Variants in AFG1L observed in about 807,000 individuals in gnomAD.
AFG1L encodes the protein AFG1 like ATPase.
Under a neutral mutation model 62.2 loss-of-function variants are expected in AFG1L, and 53 were observed. The observed-to-expected ratio is 0.85, with a 90% CI of 0.68 to 1.07. The LOEUF (loss-of-function observed/expected upper bound fraction) is 1.07, where lower values mean the gene tolerates loss of function less well. Ranked by LOEUF, AFG1L falls within the 50% of genes least tolerant of loss-of-function variation. The pLI is 0.00. For missense variants in AFG1L, 555 were observed against 590.5 expected, an observed-to-expected ratio of 0.94 and a Z score of 0.62; for synonymous variants, 228 against 210.3, an observed-to-expected ratio of 1.08 and a Z score of -0.73.
chr6:108,358,791 C>T (rs1323702056), intron 5 of AFG1L, among the ~76,000 whole-genome samples: 1 of 152,224 alleles, frequency 6.6e-6, no homozygotes, highest in Non-Finnish European at 1.5e-5. Flanking sequence ...GCCTCAGCCT[C>T]CCAAAGTGCT....
At chr6:108,480,394 G>T (rs76319504) in intron 10 of AFG1L, among the ~76,000 whole-genome samples, 3,666 of 152,236 alleles carry the variant, frequency 0.024, 144 homozygotes, top group African/African-American at 0.083. Context: ...CCTTCCCAAG[G>T]TCACAAAGCT....
intron 10 of AFG1L, among the ~76,000 whole-genome samples, chr6:108,485,648 ATATATATATTTTTTTTTTTT>A (rs1251529209): frequency 4.6e-5 from 1 of 21,638 alleles, no homozygotes; most frequent in Non-Finnish European, 8.1e-5. Flanking sequence ...ATATATATAT[ATATATATATTTTTTTTTTTT>A]TTTTTTTTTT....
intron 1 of AFG1L, among the ~76,000 whole-genome samples, chr6:108,311,599 C>T (rs931839742): frequency 2.0e-5 from 3 of 151,920 alleles, no homozygotes; most frequent in African/African-American, 4.8e-5. Context: ...GGGGCTCAAG[C>T]GATCCTCCCG....
chr6:108,356,595 C>A, intron 4 of AFG1L, 95 bp from the exon 5 acceptor site: 2 of 759,738 alleles, frequency 2.6e-6, no homozygotes, highest in Non-Finnish European at 3.9e-6. Flanking sequence ...ATTTTATGTC[C>A]ATACTAAAGT....
At chr6:108,471,908 T>C (rs1188345919) in intron 8 of AFG1L, among the ~76,000 whole-genome samples, 1 of 152,182 alleles carries the variant, frequency 6.6e-6, no homozygotes, top group Non-Finnish European at 1.5e-5. Flanking sequence ...GAACAGAGCA[T>C]ACTGGGAAAG....
At chr6:108,425,963 A>T (rs1415838516) in intron 7 of AFG1L, among the ~76,000 whole-genome samples, 1 of 152,180 alleles carries the variant, frequency 6.6e-6, no homozygotes, top group South Asian at 2.1e-4. Context: ...TCATCTTCAG[A>T]TAAAGGTACT....
chr6:108,367,306 T>C (rs1219969537), intron 6 of AFG1L, among the ~76,000 whole-genome samples: 1 of 152,132 alleles, frequency 6.6e-6, no homozygotes, highest in Non-Finnish European at 1.5e-5. Context: ...GATGATTGCA[T>C]GTTTTAAAAA....
chr6:108,344,716 C>G, intron 2 of AFG1L: 1 of 470,630 alleles, frequency 2.1e-6, no homozygotes, highest in Non-Finnish European at 4.4e-6. Context: ...TCACTTTTTT[C>G]TGTTTTACCC....
At chr6:108,410,420 T>A (rs1365553086) in intron 7 of AFG1L, among the ~76,000 whole-genome samples, 3 of 152,180 alleles carry the variant, frequency 2.0e-5, no homozygotes, top group Non-Finnish European at 2.9e-5. Context: ...GAAGTCAAGC[T>A]GGTCTGAGGC....
At chr6:108,369,792 T>C (rs1326951876) in intron 6 of AFG1L, among the ~76,000 whole-genome samples, 1 of 152,094 alleles carries the variant, frequency 6.6e-6, no homozygotes. Context: ...GTATTTTTAG[T>C]AGAGACAGGG....
chr6:108,362,344 CATTT>C (rs1476311117), intron 5 of AFG1L, among the ~76,000 whole-genome samples: 1 of 151,584 alleles, frequency 6.6e-6, no homozygotes, highest in Non-Finnish European at 1.5e-5. Flanking sequence ...AGGTATTGCC[CATTT>C]ATTTATTAGA....
At chr6:108,366,558 CTGTTTTTT>C (rs369816604) in intron 6 of AFG1L, among the ~76,000 whole-genome samples, 6 of 115,354 alleles carry the variant, frequency 5.2e-5, no homozygotes, top group African/African-American at 1.6e-4. Flanking sequence ...GGTGCACTTG[CTGTTTTTT>C]TGTTTTTTTT....
chr6:108,348,142 G>A (rs1370194516), intron 3 of AFG1L, among the ~76,000 whole-genome samples: 3 of 152,250 alleles, frequency 2.0e-5, no homozygotes, highest in Admixed American at 1.3e-4. Flanking sequence ...GCGGTGGCGC[G>A]ATCTCGGCTC....
chr6:108,324,097 T>C (rs1283160284), intron 2 of AFG1L, 49 bp downstream of exon 2: 2 of 1,373,490 alleles, frequency 1.5e-6, no homozygotes, highest in South Asian at 2.5e-5. Flanking sequence ...GTGTAAGCAT[T>C]TTCTAAAATG....
intron 6 of AFG1L, among the ~76,000 whole-genome samples, chr6:108,395,193 T>G (rs2114607897): frequency 6.6e-6 from 1 of 152,294 alleles, no homozygotes; most frequent in South Asian, 2.1e-4. Flanking sequence ...GATGAATCTT[T>G]TCTAAAGAGA....
rs1554206850 is a variant in AFG1L, at chr6:108,522,455, A to T, written c.*30A>T. 2 of 1,592,312 alleles carry T rather than the reference A, an allele frequency of 1.3e-6. No homozygotes were observed. Among genetic ancestry groups the T allele is most frequent in the Non-Finnish European group, 1.7e-6 (2 of 1,164,090 alleles). Reference sequence around the variant, plus strand: ...CACTTTTGCATAAATAAAACTCTAGACAAATGGTTAACGCAGGCAGAACTC... The same window carrying T: ...CACTTTTGCATAAATAAAACTCTAGTCAAATGGTTAACGCAGGCAGAACTC... On this transcript the variant is annotated 3_prime_UTR_variant, in exon 13 of 13. Transcript: ENST00000368977.
intron 7 of AFG1L, among the ~76,000 whole-genome samples, chr6:108,441,454 A>T (rs975172425): frequency 1.3e-5 from 2 of 152,114 alleles, no homozygotes; most frequent in Non-Finnish European, 2.9e-5. Flanking sequence ...ATATATAAAT[A>T]TGCAAACTAT....
chr6:108,377,270 G>A (rs1780289569), intron 6 of AFG1L, among the ~76,000 whole-genome samples: 1 of 152,078 alleles, frequency 6.6e-6, no homozygotes, highest in Non-Finnish European at 1.5e-5. Flanking sequence ...GATATGTGAA[G>A]TTTTGATCCT....
At position 108,295,069 on chromosome 6, in the gene AFG1L, C is replaced by T. The variant is rs755478314; in HGVS notation, c.-11C>T. The T allele has an allele frequency of 2.5e-6, 4 of 1,610,502 alleles. No homozygotes were observed. In the Admixed American group the frequency reaches 6.7e-5, roughly 27 times the overall value. On this transcript the variant is annotated 5_prime_UTR_variant, in exon 1 of 13. In the 5' UTR this introduces an upstream ATG that the reference lacks. Coordinates refer to ENST00000368977, the MANE Select transcript of AFG1L (RefSeq NM_145315.5). The stretch of plus-strand genomic sequence containing the variant: ...AAGTTTTCCTCTTCCTCTCCTCGTA[C>T]GGAGTTCAAGATGGCGGCCTCCTGG...
Sources: allele counts gnomAD v4.1 joint callset (sites outside exome capture counted in the v4.1 genomes callset), GRCh38; gene constraint gnomAD v4.1.1; transcripts MANE v1.5; gene names NCBI Gene and HGNC (gene_info 2026-07-23, HGNC 2026-07-21).